SHOC1: variants seen among roughly 807,000 people sequenced by gnomAD.
The protein encoded by SHOC1 is shortage in chiasmata 1.
SHOC1 carries 136 observed loss-of-function variants against 179.2 expected under a neutral mutation model. The ratio of observed to expected loss-of-function variants is 0.76; its 90% CI spans 0.66 to 0.87. The LOEUF is 0.87. Among genes scored for constraint, SHOC1 ranks in the 40% least tolerant of loss-of-function variants. The pLI, the probability that SHOC1 is intolerant of heterozygous loss-of-function variation, is 0.00. For synonymous variants in SHOC1, 489 were observed against 586.6 expected, an observed-to-expected ratio of 0.83 and a Z score of 2.41; for missense variants, 1,538 against 1,700.8, an observed-to-expected ratio of 0.90 and a Z score of 1.68.
rs1833352955 is a variant in SHOC1 at position 111,727,559 on chromosome 9, G to A, written c.1834+74C>T. On this transcript the variant is annotated intron_variant, in intron 13 of 27. Coordinates refer to ENST00000682961, the MANE Select transcript of SHOC1 (RefSeq NM_001378211.1). Reference sequence around the variant, plus strand: ...TTATCTAGAAGAACTTTATCTCCTTGCCTTCTATAATAAATTATGTACTTA... The same window carrying A: ...TTATCTAGAAGAACTTTATCTCCTTACCTTCTATAATAAATTATGTACTTA... 4 of 1,263,670 alleles carry A rather than the reference G, an allele frequency of 3.2e-6. No homozygotes were observed. In the Admixed American group the frequency reaches 1.1e-4, roughly 34 times the overall value. The allele number at this position is 1,263,670 out of a possible 1,614,324, so 78.3% of individuals were successfully genotyped here. A position where few individuals can be genotyped will look rare whatever the true frequency, so the allele number is the denominator to read the frequency against.
At position 111,692,037 on chromosome 9, in the gene SHOC1, G is replaced by A. The variant is rs145358586; in HGVS notation, c.3940C>T (p.Gln1314Ter). ...CGGGGGACAACTGACACTCTCTTCT[G>A]AGTGTCAGTTGGTGATTTTATAGTT... Reference protein sequence around the residue: ...CETIKSPTDTQKRVSVVPRFI... With the variant: ...CETIKSPTDT Residue 1314 changes from glutamine to a stop codon, truncating the protein, a stop_gained, in exon 27 of 28, where the codon CAG becomes TAG. Coordinates refer to ENST00000682961, the MANE Select transcript of SHOC1 (RefSeq NM_001378211.1). LOFTEE classifies it high-confidence loss of function. The A allele has an allele frequency of 1.6e-5, 26 of 1,613,586 alleles. No individual in the cohort carries two copies. Among genetic ancestry groups the A allele is most frequent in the Non-Finnish European group, 2.1e-5 (25 of 1,179,824 alleles).
intron 5 of SHOC1, among the ~76,000 whole-genome samples, chr9:111,775,002 A>AT (rs1835775064): frequency 6.7e-6 from 1 of 149,912 alleles, no homozygotes; most frequent in Non-Finnish European, 1.5e-5. Flanking sequence ...CTTAAAAAAA[A>AT]ATTTTTTTTT....
At chr9:111,696,554 C>G (rs1333754800) in intron 24 of SHOC1, among the ~76,000 whole-genome samples, 1 of 152,128 alleles carries the variant, frequency 6.6e-6, no homozygotes, top group East Asian at 1.9e-4. Flanking sequence ...TATGTAAAAC[C>G]TGAAAAGCTT....
At chr9:111,794,336 C>A (rs1430943026) in intron 1 of SHOC1, among the ~76,000 whole-genome samples, 1 of 151,166 alleles carries the variant, frequency 6.6e-6, no homozygotes, top group Non-Finnish European at 1.5e-5. Flanking sequence ...GTAATCCCAG[C>A]ACTTCGGGAG....
chr9:111,785,820 T>A, intron 3 of SHOC1, 92 bp downstream of exon 3: 1 of 1,102,028 alleles, frequency 9.1e-7, no homozygotes, highest in Non-Finnish European at 1.2e-6. Flanking sequence ...GAGTTTTTAA[T>A]TAGTAAAACA....
At position 111,756,397 on chromosome 9, in the gene SHOC1, GT is replaced by G; in HGVS notation, c.789del (p.Glu263AspfsTer2). 6.2e-7 allele frequency: 1 copy of G among 1,610,916 alleles called. No homozygotes were observed. On this transcript the variant is annotated frameshift_variant, in exon 8 of 28. Transcript: ENST00000682961. LOFTEE classifies it high-confidence loss of function. ...KPEIDIPSLS[E>X]LKELLNPVPE... ...GGCACTGGGTTTAATAACTCCTTCA[GT>G]TCTGAGAGTGATGGAATATCAATTT...
chr9:111,712,700 C>G (rs185481846), intron 18 of SHOC1, among the ~76,000 whole-genome samples: 3 of 152,196 alleles, frequency 2.0e-5, no homozygotes, highest in African/African-American at 7.2e-5. Flanking sequence ...AAACGAGAGT[C>G]CTAGGTTCAA....
In SHOC1 at chr9:111,758,845, A is replaced by G. The variant is rs761268163; in HGVS notation, c.446T>C (p.Leu149Ser). 1 of 1,461,530 alleles carries G rather than the reference A, an allele frequency of 6.8e-7. No individual in the cohort carries two copies. The highest frequency in any genetic ancestry group is 2.2e-5 in the Admixed American group (1 of 44,846). The allele number at this position is 1,461,530 out of a possible 1,614,324, so 90.5% of individuals were successfully genotyped here. ...CSALQNQNQD[L>S]FIDDKGILFV... is the part of the protein sequence containing the mutation. ...AAGTATTCCTTTATCATCAATAAATAAATCTGAAAAGAAATAAGAAATATA... is the reference window on the plus strand; with the variant it reads ...AAGTATTCCTTTATCATCAATAAATGAATCTGAAAAGAAATAAGAAATATA... Residue 149 changes from leucine to serine, a missense_variant, in exon 6 of 28, where the codon TTA becomes TCA. By Grantham distance (145) the Leu-to-Ser change is moderately radical (BLOSUM62 -2). Transcript: ENST00000682961.
chr9:111,778,172 T>C (rs1835900614), intron 4 of SHOC1, among the ~76,000 whole-genome samples: 2 of 152,214 alleles, frequency 1.3e-5, no homozygotes, highest in South Asian at 4.1e-4. Flanking sequence ...AATATATTTA[T>C]TCTGTTTTCA....
chr9:111,698,296 G>C (rs1422972444), intron 24 of SHOC1, among the ~76,000 whole-genome samples: 1 of 152,124 alleles, frequency 6.6e-6, no homozygotes, highest in Non-Finnish European at 1.5e-5. Flanking sequence ...GTATTGCCTA[G>C]GTTTTCTTCG....
At chr9:111,689,451 A>G (rs1313712188) in intron 27 of SHOC1, among the ~76,000 whole-genome samples, 1 of 151,742 alleles carries the variant, frequency 6.6e-6, no homozygotes, top group Non-Finnish European at 1.5e-5. Flanking sequence ...GAGATCCCAT[A>G]TATACACTTC....
Position 111,700,047 on chromosome 9 carries a change from C to T in SHOC1, c.3090G>A (p.Glu1030=). The change falls in exon 24 of 28, where the codon GAG becomes GAA. Residue 1030 remains glutamate (E), a splice_region_variant and synonymous_variant. Coordinates refer to ENST00000682961, the MANE Select transcript of SHOC1 (RefSeq NM_001378211.1). ...GAAGTGTCTTTTCTGTAAGCAGATA[C>T]CTACAAAGAATTATATTACTATATT... ...ILYTKETLNS[E]YLLTEKTLHH... 6.1e-6 allele frequency: 9 copies of T among 1,472,738 alleles called. No homozygotes were observed. Among genetic ancestry groups the T allele is most frequent in the Non-Finnish European group, 8.5e-6 (9 of 1,062,462 alleles). The allele number at this position is 1,472,738 out of a possible 1,614,324, so 91.2% of individuals were successfully genotyped here. A position where few individuals can be genotyped will look rare whatever the true frequency, so the allele number is the denominator to read the frequency against.
chr9:111,718,334 G>T, intron 15 of SHOC1, 46 bp from the exon 16 acceptor site: 2 of 1,239,630 alleles, frequency 1.6e-6, no homozygotes, highest in Non-Finnish European at 1.1e-6. Context: ...ATACATTACA[G>T]TTTTAGAATA....
rs1831182025 is a variant in SHOC1 at position 111,686,779 on chromosome 9, C to T, written c.4518G>A (p.Arg1506=). ...TTGCTCTTCTCCTCCTTCAAAAAAA[C>T]CTCAGCCGAGTCTGCCCATCAACTC... ...PGRVDGQTRL[R]FF The change falls in exon 28 of 28, where the codon AGG becomes AGA. Residue 1506 remains arginine (R), a synonymous_variant. Coordinates refer to ENST00000682961, the MANE Select transcript of SHOC1 (RefSeq NM_001378211.1). 1.2e-6 allele frequency: 2 copies of T among 1,610,672 alleles called. No individual in the cohort carries two copies. Among genetic ancestry groups the T allele is most frequent in the Admixed American group, 1.7e-5 (1 of 59,848 alleles).
At chr9:111,705,206 T>TAA (rs766459681) in intron 21 of SHOC1, 41 bp downstream of exon 21, 8 of 745,964 alleles carry the variant, frequency 1.1e-5, no homozygotes, top group Non-Finnish European at 1.7e-5. Context: ...CATATATATA[T>TAA]AATGTACACT....
chr9:111,686,924 A>T, intron 27 of SHOC1, 54 bp from the exon 28 acceptor site: 24 of 966,824 alleles, frequency 2.5e-5, no homozygotes, highest in Non-Finnish European at 3.1e-5. Flanking sequence ...AGTAAAGTAT[A>T]GGTTTTTTCT....
At chr9:111,764,121 C>T (rs1378455827) in intron 5 of SHOC1, among the ~76,000 whole-genome samples, 1 of 152,116 alleles carries the variant, frequency 6.6e-6, no homozygotes, top group Non-Finnish European at 1.5e-5. Flanking sequence ...TTCAGTCCCA[C>T]CAAAATGTGA....
At chr9:111,751,848 C>A (rs1834602837) in intron 8 of SHOC1, among the ~76,000 whole-genome samples, 1 of 152,148 alleles carries the variant, frequency 6.6e-6, no homozygotes, top group African/African-American at 2.4e-5. Context: ...AAGGAATATT[C>A]ATCTACATTT....
At chr9:111,734,868 TTACCTGGGTA>T (rs1218525780) in intron 12 of SHOC1, among the ~76,000 whole-genome samples, 1 of 152,208 alleles carries the variant, frequency 6.6e-6, no homozygotes, top group East Asian at 1.9e-4. Flanking sequence ...GGCAGGTTTG[TTACCTGGGTA>T]TATTGCATGA....
Sources: gnomAD v4.1 joint callset for allele counts (sites outside exome capture counted in the v4.1 genomes callset) on GRCh38, gnomAD v4.1.1 for gene constraint, MANE v1.5 for transcripts, NCBI Gene and HGNC (gene_info 2026-07-23, HGNC 2026-07-21) for gene names.